CNNM2: variants seen among roughly 807,000 people sequenced by gnomAD.
The protein encoded by CNNM2 is cyclin and CBS domain divalent metal cation transport mediator 2, also known as metal transporter CNNM2.
In CNNM2, 12 loss-of-function variants were observed where a neutral mutation model predicts 66.9. That is an observed-to-expected ratio of 0.18 (90% CI 0.11 to 0.29). The LOEUF (loss-of-function observed/expected upper bound fraction) is 0.29. CNNM2 is among the 10% of genes least tolerant of loss of function. The pLI is 1.00. For missense variants in CNNM2, 705 were observed against 1,167.7 expected, an observed-to-expected ratio of 0.60 and a Z score of 5.77; for synonymous variants, 557 against 501.8, an observed-to-expected ratio of 1.11 and a Z score of -1.47.
In CNNM2 at chr10:103,054,404, G is replaced by A; in HGVS notation, c.1841G>A (p.Ser614Asn). The change falls in exon 3 of 8, where the codon AGT becomes AAT. Residue 614 changes from serine to asparagine, a missense_variant. Around this residue, in one of 9 missense-constraint regions of CNNM2, gnomAD observed 171 missense variants for 304.8 expected, o/e 0.56. Coordinates refer to ENST00000369878, the MANE Select transcript of CNNM2 (RefSeq NM_017649.5). This position sits in a 1 kb window ranked among gnomAD's most constrained non-coding sequence, Gnocchi z 5.2. ...QDFSAFKQTD[S>N]EMKVKISPQL... ...TTTTCTGCCTTTAAGCAGACAGACA[G>A]TGAGATGAAGGTTAAAATATCACCA... 6.2e-7 allele frequency: 1 copy of A among 1,613,842 alleles called. No individual in the cohort carries two copies. Among genetic ancestry groups the A allele is most frequent in the African/African-American group, 1.3e-5 (1 of 74,978 alleles).
chr10:103,028,823 T>C (rs1466512305), intron 1 of CNNM2, among the ~76,000 whole-genome samples: 182 of 123,372 alleles, frequency 1.5e-3, no homozygotes, highest in African/African-American at 5.2e-3. Flanking sequence ...TCTTTTTTTT[T>C]TTTTCTTTTT....
intron 1 of CNNM2, among the ~76,000 whole-genome samples, chr10:103,006,208 T>C (rs1019403601): frequency 6.6e-6 from 1 of 151,920 alleles, no homozygotes; most frequent in African/African-American, 2.4e-5. Flanking sequence ...TTATTTTCTT[T>C]TTTCTTTTTT....
chr10:103,019,662 T>C (rs2064531733), intron 1 of CNNM2, among the ~76,000 whole-genome samples: 1 of 152,140 alleles, frequency 6.6e-6, no homozygotes, highest in Non-Finnish European at 1.5e-5. Context: ...AGGTGGCGGT[T>C]AAGGGAAGGA....
At position 102,919,080 on chromosome 10, in the gene CNNM2, G is replaced by A; in HGVS notation, c.600G>A (p.Leu200=). The A allele has an allele frequency of 6.2e-7, 1 of 1,611,998 alleles. No individual in the cohort carries two copies. Residue 200 remains leucine, a synonymous_variant, in exon 1 of 8, where the codon CTG becomes CTA. Transcript: ENST00000369878. ...GCACGTCGCTCTCCACGCCCGCCCT[G>A]GGCGCCGGCGGCTCGGGGTCCACGG... The part of the protein sequence containing the change: ...YLCTSLSTPA[L]GAGGSGSTGG...
chr10:103,073,721 G>C (rs939095987), intron 6 of CNNM2, among the ~76,000 whole-genome samples: 3 of 151,836 alleles, frequency 2.0e-5, no homozygotes, highest in Non-Finnish European at 4.4e-5. Flanking sequence ...AATTAGCCGG[G>C]CGCTGTGGTG....
rs778443887 is a variant in CNNM2 at position 102,980,324 on chromosome 10, GT to G, written c.1621+60236del. Among the ~76,000 whole-genome samples the G allele has an allele frequency of 2.5e-3, 355 of 141,834 alleles. 1 individual carries two copies. Among genetic ancestry groups the G allele is most frequent in the African/African-American group, 5.9e-3 (231 of 39,068 alleles). The allele number at this position is 141,834 out of a possible 152,430, so 93.0% of individuals were successfully genotyped here. On this transcript the variant is annotated intron_variant, in intron 1 of 7. Transcript: ENST00000369878. ...ATCTATTTTATTTCAGTTTTAGTGG[GT>G]TTTTTTTTTTTTCATAGCTCACTGC...
intron 1 of CNNM2, among the ~76,000 whole-genome samples, chr10:103,026,876 G>A (rs1425400154): frequency 6.6e-6 from 1 of 152,126 alleles, no homozygotes; most frequent in African/African-American, 2.4e-5. Flanking sequence ...CCAGTTCCTT[G>A]ACAGTAAGGA....
chr10:102,995,056 C>T lies in CNNM2; in HGVS notation c.1622-54651C>T, dbSNP rs61870841. Among the ~76,000 whole-genome samples, 2,649 of 119,876 alleles carry T rather than the reference C, an allele frequency of 0.022. 36 individuals carry two copies. Among genetic ancestry groups the T allele is most frequent in the Non-Finnish European group, 0.028 (1,561 of 56,022 alleles). The allele number at this position is 119,876 out of a possible 152,430, so 78.6% of individuals were successfully genotyped here. ...TGGGTGTAGATCTCTATTTTGCCATCCCAGCTCAGGAAAGGGGCTGCCCAC... is the reference window on the plus strand; with the variant it reads ...TGGGTGTAGATCTCTATTTTGCCATTCCAGCTCAGGAAAGGGGCTGCCCAC... On this transcript the variant is annotated intron_variant, in intron 1 of 7. Coordinates refer to ENST00000369878, the MANE Select transcript of CNNM2 (RefSeq NM_017649.5).
chr10:103,030,984 G>C (rs2064809963), intron 1 of CNNM2, among the ~76,000 whole-genome samples: 1 of 152,152 alleles, frequency 6.6e-6, no homozygotes. Flanking sequence ...TGGACAGATG[G>C]AATATTTTTA....
chr10:102,954,940 A>G (rs1846979820), intron 1 of CNNM2, among the ~76,000 whole-genome samples: 1 of 152,154 alleles, frequency 6.6e-6, no homozygotes, highest in African/African-American at 2.4e-5. Context: ...TATCGTGAAA[A>G]TGGCGATACT....
At chr10:103,073,581 G>A (rs1428740885) in intron 6 of CNNM2, among the ~76,000 whole-genome samples, 2 of 152,204 alleles carry the variant, frequency 1.3e-5, no homozygotes, top group Non-Finnish European at 2.9e-5. Context: ...TAGAAAATGG[G>A]CCGGGCGCGG....
At chr10:102,931,474 C>T (rs1224861891) in intron 1 of CNNM2, among the ~76,000 whole-genome samples, 2 of 151,516 alleles carry the variant, frequency 1.3e-5, no homozygotes, top group African/African-American at 4.9e-5. Context: ...TCTCCTGCCT[C>T]AGCCTCCCAG....
chr10:102,952,039 T>G (rs1473943910), intron 1 of CNNM2, among the ~76,000 whole-genome samples: 1 of 151,808 alleles, frequency 6.6e-6, no homozygotes, highest in African/African-American at 2.4e-5. Flanking sequence ...CCGACCTCAG[T>G]TGATCCACCC....
chr10:102,932,940 T>G (rs1846116070), intron 1 of CNNM2, among the ~76,000 whole-genome samples: 1 of 150,526 alleles, frequency 6.6e-6, no homozygotes, highest in Admixed American at 6.6e-5. Context: ...AAAAAAAAAT[T>G]GGCCATACAT....
chr10:102,919,609 T>A lies in CNNM2; in HGVS notation c.1129T>A (p.Phe377Ile), dbSNP rs776354995. ...CCTGGCTGTGGGGGCCAACACCATC[T>A]TCCTCACCAAGTTTTTCATGATGAT... ...HGLAVGANTI[F>I]LTKFFMMMTF... Residue 377 changes from phenylalanine to isoleucine, a missense_variant, in exon 1 of 8, where the codon TTC becomes ATC. By Grantham distance (21) the Phe-to-Ile change is conservative. Coordinates refer to ENST00000369878, the MANE Select transcript of CNNM2 (RefSeq NM_017649.5). The A allele has an allele frequency of 6.2e-7, 1 of 1,613,886 alleles. No homozygotes were observed. Among genetic ancestry groups the A allele is most frequent in the Non-Finnish European group, 8.5e-7 (1 of 1,180,028 alleles).
At chr10:103,025,469 ATAT>A (rs1439581374) in intron 1 of CNNM2, among the ~76,000 whole-genome samples, 7 of 152,338 alleles carry the variant, frequency 4.6e-5, no homozygotes, top group Non-Finnish European at 8.8e-5. Context: ...CACCACACAA[ATAT>A]TATTTTCTCC....
chr10:103,077,358 G>A lies in CNNM2; in HGVS notation c.*178G>A. The A allele has an allele frequency of 1.7e-6, 1 of 582,010 alleles. No homozygotes were observed. Among genetic ancestry groups the A allele is most frequent in the South Asian group, 2.5e-5 (1 of 39,656 alleles). The allele number at this position is 582,010 out of a possible 1,614,324, so 36.1% of individuals were successfully genotyped here. A position where few individuals can be genotyped will look rare whatever the true frequency, so the allele number is the denominator to read the frequency against. On this transcript the variant is annotated 3_prime_UTR_variant, in exon 8 of 8. Transcript: ENST00000369878. ...GGAGGAGGACAGTGAGGGAGGAATG[G>A]AAACGAGAGATGTGAAGTTGGCAGC...
chr10:102,971,548 G>C (rs2063547187), intron 1 of CNNM2, among the ~76,000 whole-genome samples: 1 of 152,050 alleles, frequency 6.6e-6, no homozygotes, highest in South Asian at 2.1e-4. Context: ...TATAAACATA[G>C]CCAGTTGGGT....
At chr10:102,968,328 C>A (rs533263257) in intron 1 of CNNM2, among the ~76,000 whole-genome samples, 1 of 152,076 alleles carries the variant, frequency 6.6e-6, no homozygotes. Context: ...CTGACTGTAA[C>A]CTCTGCCTCC....
Sources: allele counts gnomAD v4.1 joint callset (sites outside exome capture counted in the v4.1 genomes callset), GRCh38; gene constraint gnomAD v4.1.1; regional missense constraint gnomAD v4.1.1; non-coding constraint Gnocchi (gnomAD v3.1); transcripts MANE v1.5; gene names NCBI Gene and HGNC (gene_info 2026-07-23, HGNC 2026-07-21).